Variants in GOLGA5 observed in about 807,000 individuals in gnomAD.
The protein encoded by GOLGA5 is golgin A5.
In GOLGA5, 50 loss-of-function variants were observed where a neutral mutation model predicts 93.5. The ratio of observed to expected loss-of-function variants is 0.53; its 90% CI spans 0.43 to 0.68. The LOEUF is 0.68. Ranked by LOEUF, GOLGA5 falls within the 30% of genes least tolerant of loss-of-function variation. The pLI is 0.00. For synonymous variants in GOLGA5, 312 were observed against 304.5 expected (o/e 1.02, Z -0.26); for missense variants, 760 against 856.4 (o/e 0.89, Z 1.40).
At chr14:92,831,601 G>A (rs760073772) in intron 9 of GOLGA5, among the ~76,000 whole-genome samples, 6 of 152,170 alleles carry the variant, frequency 3.9e-5, no homozygotes, top group South Asian at 2.1e-4. Context: ...GTCACAGTTC[G>A]TTTTTTGCTT....
intron 12 of GOLGA5, 143 bp from the exon 13 acceptor site, chr14:92,839,223 T>C (rs1595608165): frequency 1.6e-6 from 1 of 610,894 alleles, no homozygotes; most frequent in South Asian, 2.1e-5. Flanking sequence ...ACTGAGCTCA[T>C]TTAGTTGTTT....
chr14:92,794,889 A>ACG (rs1158026599), intron 1 of GOLGA5, among the ~76,000 whole-genome samples: 1 of 66,846 alleles, frequency 1.5e-5, no homozygotes, highest in Non-Finnish European at 2.7e-5. Context: ...TCCCCATCCC[A>ACG]CGCACTCTCT....
At chr14:92,822,837 A>G (rs190228718) in intron 8 of GOLGA5, among the ~76,000 whole-genome samples, 1 of 152,144 alleles carries the variant, frequency 6.6e-6, no homozygotes, top group East Asian at 1.9e-4. Context: ...TTGTATTTTT[A>G]GTAGAGACAG....
intron 5 of GOLGA5, chr14:92,810,579 A>G (rs1373094552): frequency 5.7e-6 from 2 of 353,974 alleles, no homozygotes; most frequent in African/African-American, 4.3e-5. Context: ...AGAGACAATT[A>G]AAATAGTTAA....
chr14:92,821,380 A>T (rs930175672), intron 8 of GOLGA5, among the ~76,000 whole-genome samples: 8 of 152,186 alleles, frequency 5.3e-5, no homozygotes, highest in African/African-American at 1.9e-4. Context: ...AAGCCAAATT[A>T]TTTTACTTTA....
intron 5 of GOLGA5, among the ~76,000 whole-genome samples, chr14:92,811,021 G>C (rs759908443): frequency 5.9e-5 from 9 of 152,320 alleles, no homozygotes; most frequent in Admixed American, 1.3e-4. Context: ...TAAATATCAG[G>C]TAGTGTGTGT....
At chr14:92,824,383 A>G (rs1179768120) in intron 8 of GOLGA5, among the ~76,000 whole-genome samples, 163 bp from the exon 9 acceptor site, 1 of 152,208 alleles carries the variant, frequency 6.6e-6, no homozygotes, top group African/African-American at 2.4e-5. Flanking sequence ...ACTTAATTAT[A>G]TACTCATTAT....
At chr14:92,824,525 T>G in intron 8 of GOLGA5, 21 bp from the exon 9 acceptor site, 1 of 1,310,638 alleles carries the variant, frequency 7.6e-7, no homozygotes, top group Non-Finnish European at 1.1e-6. Context: ...GCTTCTGTTT[T>G]GTTTGTGCCT....
chr14:92,824,725 TC>T, intron 9 of GOLGA5, 81 bp downstream of exon 9: 1 of 723,678 alleles, frequency 1.4e-6, no homozygotes, highest in Non-Finnish European at 2.4e-6. Flanking sequence ...GTAAGAACTT[TC>T]CCCGTGTTTT....
At chr14:92,822,717 C>T (rs917470610) in intron 8 of GOLGA5, among the ~76,000 whole-genome samples, 2 of 152,106 alleles carry the variant, frequency 1.3e-5, no homozygotes, top group Admixed American at 6.5e-5. Flanking sequence ...AGTGCAGTGG[C>T]GCGATCTCGG....
chr14:92,799,391 C>T (rs1450021260), intron 2 of GOLGA5, among the ~76,000 whole-genome samples: 17 of 148,146 alleles, frequency 1.1e-4, no homozygotes, highest in Non-Finnish European at 1.8e-4. Context: ...ATTCTCCTGC[C>T]TCAGCCTCCC....
chr14:92,836,191 AT>A (rs1441103110), intron 11 of GOLGA5, among the ~76,000 whole-genome samples: 4 of 152,180 alleles, frequency 2.6e-5, no homozygotes, highest in Admixed American at 6.5e-5. Flanking sequence ...TATCAAAAAA[AT>A]ATTTTAATAG....
At chr14:92,805,805 T>TA (rs1884971971) in intron 2 of GOLGA5, among the ~76,000 whole-genome samples, 1 of 152,174 alleles carries the variant, frequency 6.6e-6, no homozygotes, top group South Asian at 2.1e-4. Flanking sequence ...CTTTTACCCA[T>TA]ATACTGATTG....
intron 2 of GOLGA5, among the ~76,000 whole-genome samples, chr14:92,800,717 G>T (rs1299914775): frequency 6.6e-6 from 1 of 152,192 alleles, no homozygotes; most frequent in Non-Finnish European, 1.5e-5. Context: ...TTGTTCTGTG[G>T]GTGGTTCTTA....
chr14:92,829,860 A>C (rs1258572162), intron 9 of GOLGA5, among the ~76,000 whole-genome samples: 2 of 152,172 alleles, frequency 1.3e-5, no homozygotes, highest in Non-Finnish European at 2.9e-5. Context: ...CATCGATGTG[A>C]CAAACTTTGT....
rs1423485238 is a variant in GOLGA5, at chr14:92,810,325, A to G, written c.1064A>G (p.His355Arg). 1.2e-6 allele frequency: 2 copies of G among 1,608,370 alleles called. No homozygotes were observed. Among genetic ancestry groups the G allele is most frequent in the Admixed American group, 1.7e-5 (1 of 59,254 alleles). ...QALQTFQERL[H>R]EADATLKREQ... The stretch of plus-strand genomic sequence containing the variant: ...CTGCAGACTTTTCAGGAGAGACTGC[A>G]TGAAGCGGATGCCACTCTGAAGAGA... The change falls in exon 5 of 13, where the codon CAT (histidine) becomes CGT (arginine). Residue 355 changes from histidine (H) to arginine (R), a missense_variant. Physicochemically the swap from His to Arg is conservative, Grantham distance 29. Coordinates refer to ENST00000163416, the MANE Select transcript of GOLGA5 (RefSeq NM_005113.4).
Position 92,798,120 on chromosome 14 carries a change from G to A in GOLGA5, c.544+139G>A, listed in dbSNP as rs1473936855. The A allele has an allele frequency of 1.4e-5, 9 of 646,968 alleles. No individual in the cohort carries two copies. In the Admixed American group the frequency reaches 1.7e-4, roughly 12 times the overall value. 40.1% of individuals were successfully genotyped at this position (646,968 alleles called of 1,614,324 possible). On this transcript the variant is annotated intron_variant, in intron 2 of 12. Transcript: ENST00000163416. ...GGCAGACTCTCTGCAAATGTGTGGT[G>A]TAAACAAGGGAGACATCATTGACTA...
chr14:92,801,277 T>C (rs1391849398), intron 2 of GOLGA5, among the ~76,000 whole-genome samples: 1 of 152,266 alleles, frequency 6.6e-6, no homozygotes, highest in African/African-American at 2.4e-5. Flanking sequence ...TAACCAGCTA[T>C]GGTTAAGAAC....
intron 3 of GOLGA5, among the ~76,000 whole-genome samples, chr14:92,808,050 T>G (rs1885026662): frequency 6.6e-6 from 1 of 151,842 alleles, no homozygotes; most frequent in African/African-American, 2.4e-5. Context: ...CTGGCCAACA[T>G]GGTGAAACCC....
Sources: gnomAD v4.1 joint callset for allele counts (sites outside exome capture counted in the v4.1 genomes callset) on GRCh38, gnomAD v4.1.1 for gene constraint, MANE v1.5 for transcripts, NCBI Gene and HGNC (gene_info 2026-07-23, HGNC 2026-07-21) for gene names.